Variants in UBE4A observed in about 807,000 individuals in gnomAD.
UBE4A encodes ubiquitin conjugation factor E4 A.
A neutral mutation model predicts 117.9 loss-of-function variants in UBE4A; 48 were observed. The ratio of observed to expected loss-of-function variants is 0.41; its 90% CI spans 0.32 to 0.52. The LOEUF (loss-of-function observed/expected upper bound fraction) is 0.52, where lower values mean the gene tolerates loss of function less well. UBE4A is among the 20% of genes least tolerant of loss of function. UBE4A has a pLI of 0.33. For missense variants in UBE4A, 1,067 were observed against 1,296.3 expected, an observed-to-expected ratio of 0.82 and a Z score of 2.72; for synonymous variants, 407 against 450.0, an observed-to-expected ratio of 0.90 and a Z score of 1.21.
chr11:118,391,814 T>A (rs1271802277), intron 18 of UBE4A, among the ~76,000 whole-genome samples: 3 of 146,178 alleles, frequency 2.1e-5, no homozygotes, highest in Admixed American at 1.3e-4. Flanking sequence ...AAAAAAAAAA[T>A]TTAAGAAACC....
chr11:118,384,735 G>C lies in UBE4A; in HGVS notation c.2298G>C (p.Lys766Asn). 6.2e-7 allele frequency: 1 copy of C among 1,613,702 alleles called. No individual in the cohort carries two copies. The highest frequency in any genetic ancestry group is 8.5e-7 in the Non-Finnish European group (1 of 1,179,736). ...WGTDTYRESI[K>N]DLADYASKNL... ...CAGATACCTATCGGGAGAGCATTAA[G>C]GTGAGAGAGTTTTTGATGAAACCTG... Residue 766 changes from lysine (K) to asparagine (N), a missense_variant and splice_region_variant, in exon 14 of 20, where the codon AAG becomes AAC. This residue lies in a region of UBE4A where 1,001 missense variants were observed against 1,184.0 expected (regional missense o/e 0.85). Transcript: ENST00000252108.
intron 11 of UBE4A, among the ~76,000 whole-genome samples, chr11:118,380,130 TGTGCGTGTGTGTGTGTGTGTGTG>T (rs1948689615): frequency 1.5e-5 from 1 of 67,836 alleles, no homozygotes. Flanking sequence ...TGTGTGTGTG[TGTGCGTGTGTGTGTGTGTGTGTG>T]TGTGTGTGTG....
chr11:118,372,777 G>A, intron 6 of UBE4A, 111 bp downstream of exon 6: 1 of 1,477,060 alleles, frequency 6.8e-7, no homozygotes, highest in South Asian at 1.2e-5. Flanking sequence ...TATAAATTAA[G>A]GAGGAGGGCT....
chr11:118,373,745 C>G, intron 8 of UBE4A, 60 bp downstream of exon 8: 3 of 1,540,274 alleles, frequency 1.9e-6, no homozygotes, highest in Non-Finnish European at 2.6e-6. Context: ...TCTCAGAAAG[C>G]AGATACAGAT....
chr11:118,378,380 A>G (rs1555125750), intron 10 of UBE4A: 1 of 152,238 alleles, frequency 6.6e-6, no homozygotes, highest in Non-Finnish European at 1.5e-5. Flanking sequence ...ACATTAGATA[A>G]AGAAGATTCT....
chr11:118,375,673 A>G (rs964988650), intron 9 of UBE4A, among the ~76,000 whole-genome samples: 12 of 151,968 alleles, frequency 7.9e-5, no homozygotes, highest in Non-Finnish European at 1.6e-4. Flanking sequence ...TTTTTAAAAG[A>G]CAGATGTTTG....
chr11:118,377,303 G>A (rs1387646416), intron 10 of UBE4A, among the ~76,000 whole-genome samples: 2 of 152,098 alleles, frequency 1.3e-5, no homozygotes, highest in African/African-American at 4.8e-5. Flanking sequence ...CGCCTCCTGG[G>A]TTCAAGCAAT....
chr11:118,374,795 T>C, intron 8 of UBE4A, 101 bp from the exon 9 acceptor site: 4 of 1,096,818 alleles, frequency 3.6e-6, no homozygotes, highest in Non-Finnish European at 5.0e-6. Context: ...GGGGAAAGAT[T>C]AGGATTAGCA....
chr11:118,370,144 C>A (rs999363534), intron 4 of UBE4A, among the ~76,000 whole-genome samples: 1 of 152,082 alleles, frequency 6.6e-6, no homozygotes, highest in South Asian at 2.1e-4. Flanking sequence ...GTTGTTACTC[C>A]CTCCTCTGGG....
At position 118,399,008 on chromosome 11, in the gene UBE4A, G is replaced by A. The variant is rs1555130348; in HGVS notation, c.*2568G>A. 2 of 456,424 alleles carry A rather than the reference G, an allele frequency of 4.4e-6. No homozygotes were observed. The highest frequency in any genetic ancestry group is 2.4e-5 in the Admixed American group (1 of 42,548). The allele number at this position is 456,424 out of a possible 1,614,324, so 28.3% of individuals were successfully genotyped here. A position where few individuals can be genotyped will look rare whatever the true frequency, so the allele number is the denominator to read the frequency against. ...TGCCAGAGGCTGATGCTGCACTGTT[G>A]ATGTCATGTGAGGAAATAATGCACA... is the stretch of plus-strand genomic sequence containing the variant. On this transcript the variant is annotated 3_prime_UTR_variant, in exon 20 of 20. Coordinates refer to ENST00000252108, the MANE Select transcript of UBE4A (RefSeq NM_001204077.2).
intron 10 of UBE4A, 51 bp from the exon 11 acceptor site, chr11:118,379,395 T>A (rs185475049): frequency 6.5e-7 from 1 of 1,548,148 alleles, no homozygotes; most frequent in East Asian, 2.3e-5. Context: ...TTTGTTTTTT[T>A]GTGACTTTCT....
At chr11:118,360,742 A>G (rs1219055103) in intron 1 of UBE4A, among the ~76,000 whole-genome samples, 1 of 152,200 alleles carries the variant, frequency 6.6e-6, no homozygotes, top group East Asian at 1.9e-4. Flanking sequence ...TTCATAAACA[A>G]AAGCTTGTAT....
intron 1 of UBE4A, among the ~76,000 whole-genome samples, chr11:118,363,637 A>G (rs925768577): frequency 6.9e-6 from 1 of 145,764 alleles, no homozygotes; most frequent in Non-Finnish European, 1.5e-5. Context: ...TTTGAGACGA[A>G]GTCTCGCTCT....
chr11:118,375,463 G>A (rs1555125241), intron 9 of UBE4A, among the ~76,000 whole-genome samples: 1 of 152,022 alleles, frequency 6.6e-6, no homozygotes, highest in African/African-American at 2.4e-5. Context: ...GTGTTCCAGC[G>A]ATTCTCCTGC....
At chr11:118,385,637 C>G (rs1240063879) in intron 15 of UBE4A, among the ~76,000 whole-genome samples, 4 of 152,140 alleles carry the variant, frequency 2.6e-5, no homozygotes, top group Non-Finnish European at 1.5e-5. Context: ...CTTCCCTTAC[C>G]TGTGATGGGT....
intron 4 of UBE4A, 78 bp downstream of exon 4, chr11:118,369,613 C>A: frequency 4.4e-5 from 40 of 919,020 alleles, no homozygotes; most frequent in Non-Finnish European, 6.6e-5. Flanking sequence ...TGTTCTCCAA[C>A]TTATGCTTGT....
Position 118,376,617 on chromosome 11 carries a change from G to A in UBE4A, c.1494G>A (p.Pro498=), listed in dbSNP as rs782367725. Residue 498 remains proline (P), a synonymous_variant, in exon 10 of 20, where the codon CCG becomes CCA. Transcript: ENST00000252108. ...ETCLIPAVQE[P]KFPQNYNLVT... ...GTTTGATCCCAGCTGTGCAGGAGCCGAAGTTTCCACAGAACTACAACCTTG... is the reference window on the plus strand; with the variant it reads ...GTTTGATCCCAGCTGTGCAGGAGCCAAAGTTTCCACAGAACTACAACCTTG... 6.8e-6 allele frequency: 11 copies of A among 1,613,880 alleles called. No individual in the cohort carries two copies. Among genetic ancestry groups the A allele is most frequent in the East Asian group, 2.2e-5 (1 of 44,880 alleles).
rs1555127251 is a variant in UBE4A, at chr11:118,386,456, A to T, written c.2431A>T (p.Ile811Phe). ...EAIQYLSKIK[I>F]QQIEKDRGEW... ...TCTGCAGTATTTGAGCAAGATAAAG[A>T]TTCAGCAAATTGAGAAGGATCGAGG... Residue 811 changes from isoleucine (I) to phenylalanine (F), a missense_variant, in exon 16 of 20, where the codon ATT becomes TTT. By Grantham distance (21) the Ile-to-Phe change is conservative. Coordinates refer to ENST00000252108, the MANE Select transcript of UBE4A (RefSeq NM_001204077.2). 1 of 1,606,920 alleles carries T rather than the reference A, an allele frequency of 6.2e-7. No individual in the cohort carries two copies.
At chr11:118,394,917 T>C (rs1477651430) in intron 19 of UBE4A, among the ~76,000 whole-genome samples, 1 of 151,922 alleles carries the variant, frequency 6.6e-6, no homozygotes, top group African/African-American at 2.4e-5. Flanking sequence ...CACTGAGTTA[T>C]GATGGCAGCA....
Sources: gnomAD v4.1 joint callset for allele counts (sites outside exome capture counted in the v4.1 genomes callset) on GRCh38, gnomAD v4.1.1 for gene constraint, gnomAD v4.1.1 regional missense constraint, MANE v1.5 for transcripts, NCBI Gene and HGNC (gene_info 2026-07-23, HGNC 2026-07-21) for gene names.